Variants in PDCD6 observed in about 807,000 individuals in gnomAD.
The protein encoded by PDCD6 is programmed cell death 6, also known as programmed cell death protein 6.
A neutral mutation model predicts 28.3 loss-of-function variants in PDCD6; 12 were observed. That is an observed-to-expected ratio of 0.42 (90% CI 0.27 to 0.69). The LOEUF (loss-of-function observed/expected upper bound fraction) is 0.69. Ranked by LOEUF, PDCD6 falls within the 30% of genes least tolerant of loss-of-function variation. The probability of loss-of-function intolerance (pLI) is 0.22; values close to 1 mark genes in which losing one functional copy is unlikely to be tolerated. For synonymous variants in PDCD6, 92 were observed against 108.0 expected (o/e 0.85, Z 0.92); for missense variants, 226 against 269.9 (o/e 0.84, Z 1.14).
chr5:299,856 T>A (rs1739939011), intron 2 of PDCD6, among the ~76,000 whole-genome samples: 1 of 152,042 alleles, frequency 6.6e-6, no homozygotes, highest in South Asian at 2.1e-4. Flanking sequence ...GCTGGTATTT[T>A]TTTTTTTATT....
At position 311,118 on chromosome 5, in the gene PDCD6, T is replaced by C. The variant is rs567631668; in HGVS notation, c.368-175T>C. On this transcript the variant is annotated intron_variant, in intron 4 of 5. Coordinates refer to ENST00000264933, the MANE Select transcript of PDCD6 (RefSeq NM_013232.4). Reference sequence around the variant, plus strand: ...GGGATGTCAGCTCATTACAGAATGATATATTCGGGAAGTGTCTCAGTTCTG... The same window carrying C: ...GGGATGTCAGCTCATTACAGAATGACATATTCGGGAAGTGTCTCAGTTCTG... 1.1e-5 allele frequency: 7 copies of C among 619,328 alleles called. No homozygotes were observed. In the East Asian group the frequency reaches 2.0e-4, roughly 18 times the overall value. The allele number at this position is 619,328 out of a possible 1,614,324, so 38.4% of individuals were successfully genotyped here.
chr5:305,200 C>G lies in PDCD6; in HGVS notation c.208+979C>G, dbSNP rs1740393850. 6.6e-6 allele frequency: 1 copy of G among 152,342 alleles called. No individual in the cohort carries two copies. The highest frequency in any genetic ancestry group is 1.5e-5 in the Non-Finnish European group (1 of 68,158). The allele number at this position is 152,342 out of a possible 1,614,324, so 9.4% of individuals were successfully genotyped here. A position where few individuals can be genotyped will look rare whatever the true frequency, so the allele number is the denominator to read the frequency against. ...GCTGGGAGGTGCAGCCCCCTTCAGA[C>G]CTCTTTAATATGGAATCCCAGGTTC... is the stretch of plus-strand genomic sequence containing the variant. On this transcript the variant is annotated intron_variant, in intron 3 of 5. Transcript: ENST00000264933. This position sits in a 1 kb window ranked among gnomAD's most constrained non-coding sequence, Gnocchi z 4.0.
At chr5:295,220 AAC>A (rs1554006913) in intron 2 of PDCD6, among the ~76,000 whole-genome samples, 4 of 115,066 alleles carry the variant, frequency 3.5e-5, no homozygotes, top group Admixed American at 9.5e-5. Context: ...AAAATAAAAA[AAC>A]CACAAAAAGT....
chr5:276,987 C>G (rs557893707), intron 2 of PDCD6: 1 of 971,432 alleles, frequency 1.0e-6, no homozygotes, highest in Non-Finnish European at 1.2e-6. Context: ...TTTTAACATT[C>G]ACATATTTCT....
Position 271,702 on chromosome 5 carries a change from C to G in PDCD6, c.-19C>G. 6.8e-7 allele frequency: 1 copy of G among 1,476,668 alleles called. No individual in the cohort carries two copies. The highest frequency in any genetic ancestry group is 9.2e-7 in the Non-Finnish European group (1 of 1,091,516). The allele number at this position is 1,476,668 out of a possible 1,614,324, so 91.5% of individuals were successfully genotyped here. ...TCTCGTCGCTGCAGGCGCCTCAGCC[C>G]AGCCGCGTGCCTTGGCCCATGGCCG... On this transcript the variant is annotated 5_prime_UTR_variant, in exon 1 of 6. Coordinates refer to ENST00000264933, the MANE Select transcript of PDCD6 (RefSeq NM_013232.4).
At chr5:292,715 C>G (rs1739386373) in intron 2 of PDCD6, among the ~76,000 whole-genome samples, 1 of 152,184 alleles carries the variant, frequency 6.6e-6, no homozygotes, top group African/African-American at 2.4e-5. Flanking sequence ...GAGAACAGAG[C>G]CGAGAGGAGG....
intron 2 of PDCD6, among the ~76,000 whole-genome samples, chr5:278,389 T>C (rs62345228): frequency 0.24 from 36,527 of 151,632 alleles, 6,868 homozygotes; most frequent in African/African-American, 0.53. Context: ...GTCCTTAGTA[T>C]ATTAGAAGAT....
At chr5:274,770 G>A (rs1738075749) in intron 2 of PDCD6, among the ~76,000 whole-genome samples, 3 of 152,208 alleles carry the variant, frequency 2.0e-5, no homozygotes, top group South Asian at 4.1e-4. Context: ...TTGGGTTCCT[G>A]TATTTTCACC....
chr5:303,727 GCTATGTTCA>G (rs1740284202), intron 2 of PDCD6, among the ~76,000 whole-genome samples: 1 of 150,522 alleles, frequency 6.6e-6, no homozygotes, highest in African/African-American at 2.5e-5. Context: ...CAGCGACCAA[GCTATGTTCA>G]GGTGTCTGCA....
intron 2 of PDCD6, among the ~76,000 whole-genome samples, chr5:285,280 C>G (rs1738874095): frequency 6.6e-6 from 1 of 152,054 alleles, no homozygotes; most frequent in Admixed American, 6.5e-5. Context: ...AGCTGGAGAC[C>G]CGGGGGGGAA....
chr5:283,343 A>G (rs78096290), intron 2 of PDCD6, among the ~76,000 whole-genome samples: 3,105 of 110,690 alleles, frequency 0.028, 1 homozygote, highest in African/African-American at 0.11. Context: ...TAGATTGAGG[A>G]TCATGGAGGT....
chr5:294,696 C>T (rs866238463), intron 2 of PDCD6, among the ~76,000 whole-genome samples: 10,101 of 130,044 alleles, frequency 0.078, no homozygotes, highest in African/African-American at 0.14. Flanking sequence ...GCTCCTGAAA[C>T]GTCCCCCAAG....
In PDCD6 at chr5:306,838, G is replaced by A. The variant is rs1004051284; in HGVS notation, c.367+78G>A. The A allele has an allele frequency of 5.0e-6, 7 of 1,396,502 alleles. No individual in the cohort carries two copies. In the African/African-American group the frequency reaches 8.5e-5, roughly 17 times the overall value. The allele number at this position is 1,396,502 out of a possible 1,614,324, so 86.5% of individuals were successfully genotyped here. A position where few individuals can be genotyped will look rare whatever the true frequency, so the allele number is the denominator to read the frequency against. ...CCGTTGAAGTTCTTTAAACCTTGTT[G>A]GACTTAACTGATTGTCTAACCAGGC... On this transcript the variant is annotated intron_variant, in intron 4 of 5. Coordinates refer to ENST00000264933, the MANE Select transcript of PDCD6 (RefSeq NM_013232.4).
rs1221877828 is a variant in PDCD6, at chr5:277,727, C to A, written c.163+4955C>A. 3.9e-5 allele frequency among the ~76,000 whole-genome samples: 6 copies of A among 152,134 alleles called. No homozygotes were observed. The East Asian group carries it at 1.2e-3, about 30-fold the overall frequency. On this transcript the variant is annotated intron_variant, in intron 2 of 5. Transcript: ENST00000264933. Reference sequence around the variant, plus strand: ...GGGATTACGGGCGTGAGCCAGGGGGCCAACATGGTGAAACCCTATCTCTAC... The same window carrying A: ...GGGATTACGGGCGTGAGCCAGGGGGACAACATGGTGAAACCCTATCTCTAC...
chr5:294,853 G>T (rs1739507054), intron 2 of PDCD6, among the ~76,000 whole-genome samples: 1 of 152,142 alleles, frequency 6.6e-6, no homozygotes, highest in African/African-American at 2.4e-5. Context: ...GCACCAACCA[G>T]CAGTGGAAGG....
chr5:290,361 A>C, intron 2 of PDCD6: 1 of 1,058,732 alleles, frequency 9.4e-7, no homozygotes, highest in Admixed American at 1.8e-5. Flanking sequence ...CTCCCTCCGC[A>C]GGTCTCTTGG....
At chr5:287,224 TTC>T (rs1739028096) in intron 2 of PDCD6, among the ~76,000 whole-genome samples, 1 of 152,106 alleles carries the variant, frequency 6.6e-6, no homozygotes, top group Non-Finnish European at 1.5e-5. Context: ...CAGGCTGGTG[TTC>T]TAGTTTGAGG....
rs1293143200 is a variant in PDCD6 at position 302,186 on chromosome 5, T to C, written c.164-1991T>C. ...AACTGCTGGAGGGCGGGTCGTGGAG[T>C]GCTGCTGTGTGTGTGTGTGTGTGTG... On this transcript the variant is annotated intron_variant, in intron 2 of 5. Coordinates refer to ENST00000264933, the MANE Select transcript of PDCD6 (RefSeq NM_013232.4). Among the ~76,000 whole-genome samples, 4 of 107,040 alleles carry C rather than the reference T, an allele frequency of 3.7e-5. No individual in the cohort carries two copies. The East Asian group carries it at 1.1e-3, about 28-fold the overall frequency. The allele number at this position is 107,040 out of a possible 152,430, so 70.2% of individuals were successfully genotyped here. A position where few individuals can be genotyped will look rare whatever the true frequency, so the allele number is the denominator to read the frequency against.
chr5:298,352 C>T (rs949128642), intron 2 of PDCD6, among the ~76,000 whole-genome samples: 8 of 152,092 alleles, frequency 5.3e-5, no homozygotes, highest in African/African-American at 1.9e-4. Flanking sequence ...CAGTGGCTCC[C>T]CAGGAGTGAG....
Sources: gnomAD v4.1 joint callset for allele counts (sites outside exome capture counted in the v4.1 genomes callset) on GRCh38, gnomAD v4.1.1 for gene constraint, Gnocchi (gnomAD v3.1) non-coding constraint, MANE v1.5 for transcripts, NCBI Gene and HGNC (gene_info 2026-07-23, HGNC 2026-07-21) for gene names.